DDX52: variants seen among roughly 807,000 people sequenced by gnomAD.
DDX52 encodes probable ATP-dependent RNA helicase DDX52.
A neutral mutation model predicts 76.1 loss-of-function variants in DDX52; 59 were observed. That is an observed-to-expected ratio of 0.78 (90% CI 0.63 to 0.96). DDX52 has a LOEUF of 0.96. Ranked by LOEUF, DDX52 falls within the 40% of genes least tolerant of loss-of-function variation. The probability of loss-of-function intolerance (pLI) is 0.00; values close to 1 mark genes in which losing one functional copy is unlikely to be tolerated. For synonymous variants in DDX52, 231 were observed against 244.1 expected, an observed-to-expected ratio of 0.95 and a Z score of 0.50; for missense variants, 707 against 703.9, an observed-to-expected ratio of 1.00 and a Z score of -0.05.
At position 37,610,360 on chromosome 17, in the gene DDX52, G is replaced by T. The variant is rs1268258177; in HGVS notation, c.*3936C>A. 1 of 131,648 alleles carries T rather than the reference G, an allele frequency of 7.6e-6. No individual in the cohort carries two copies. The highest frequency in any genetic ancestry group is 1.5e-5 in the Non-Finnish European group (1 of 65,288). The allele number at this position is 131,648 out of a possible 1,614,324, so 8.2% of individuals were successfully genotyped here. On this transcript the variant is annotated 3_prime_UTR_variant, in exon 15 of 15. Coordinates refer to ENST00000617633, the MANE Select transcript of DDX52 (RefSeq NM_007010.5). ...ATGTTGCCCAGGCTAGTTTCAAACT[G>T]CTAGGCTCAAGCTATGCTCCCACCT... is the stretch of plus-strand genomic sequence containing the variant.
In DDX52 at chr17:37,630,086, CG is replaced by C; in HGVS notation, c.690del (p.Ala231GlnfsTer8). The C allele has an allele frequency of 6.2e-7, 1 of 1,613,762 alleles. No homozygotes were observed. The highest frequency in any genetic ancestry group is 8.5e-7 in the Non-Finnish European group (1 of 1,179,902). On this transcript the variant is annotated frameshift_variant, in exon 5 of 15. Transcript: ENST00000617633. LOFTEE classifies it high-confidence loss of function. ...ATCAGGGCTCTGAAGCCTTTATTTG[CG>C]GGTTGTTTCAGCTGCATTAAAATAG... ...SIPILMQLKQ[P>X]ANKGFRALII...
intron 12 of DDX52, 94 bp downstream of exon 12, chr17:37,620,779 C>T (rs1053099410): frequency 8.9e-5 from 110 of 1,242,352 alleles, no homozygotes; most frequent in Admixed American, 2.0e-4. Context: ...GAATTTGGGA[C>T]ATAGCCATTT....
intron 2 of DDX52, among the ~76,000 whole-genome samples, chr17:37,640,862 C>T (rs1275080680): frequency 6.6e-6 from 1 of 151,838 alleles, no homozygotes; most frequent in Admixed American, 6.6e-5. Context: ...TGGGGCACAC[C>T]TGTCCCAGCT....
chr17:37,637,282 C>T (rs538983493), intron 2 of DDX52, among the ~76,000 whole-genome samples: 13 of 152,178 alleles, frequency 8.5e-5, no homozygotes, highest in Non-Finnish European at 1.3e-4. Flanking sequence ...CAGGCATGCG[C>T]CACCACGTCC....
chr17:37,642,262 C>A lies in DDX52; in HGVS notation c.134G>T (p.Gly45Val). Residue 45 changes from glycine to valine, a missense_variant, in exon 2 of 15, where the codon GGA becomes GTA. Gly to Val is a moderately radical substitution (Grantham distance 109). Transcript: ENST00000617633. The stretch of plus-strand genomic sequence containing the variant: ...CTTCTTGTTTCCAAAAAAGTCCAGT[C>A]CCTGAAGCACCTCCGAAGAATCAAA... Reference protein sequence around the residue: ...YDFDSSEVLQGLDFFGNKKSV... With the variant: ...YDFDSSEVLQVLDFFGNKKSV... The A allele has an allele frequency of 6.2e-7, 1 of 1,614,090 alleles. No homozygotes were observed. The highest frequency in any genetic ancestry group is 1.1e-5 in the South Asian group (1 of 91,074).
Position 37,611,570 on chromosome 17 carries a change from C to T in DDX52, c.*2726G>A, listed in dbSNP as rs554753554. 1.3e-5 allele frequency: 2 copies of T among 151,994 alleles called. No individual in the cohort carries two copies. Among genetic ancestry groups the T allele is most frequent in the Middle Eastern group, 6.7e-3 (2 of 298 alleles). 9.4% of individuals were successfully genotyped at this position (151,994 alleles called of 1,614,324 possible). ...TGGCCAACATGGTGAAACCCTGTCA[C>T]TAAAAATACAAAAATTAGCTGGGTG... On this transcript the variant is annotated 3_prime_UTR_variant, in exon 15 of 15. Coordinates refer to ENST00000617633, the MANE Select transcript of DDX52 (RefSeq NM_007010.5).
chr17:37,617,012 C>T (rs1568597502), intron 14 of DDX52, among the ~76,000 whole-genome samples: 1 of 152,132 alleles, frequency 6.6e-6, no homozygotes, highest in Non-Finnish European at 1.5e-5. Flanking sequence ...CTTCTGTAAC[C>T]ACACCAATTC....
At chr17:37,617,883 G>A (rs1182446604) in intron 14 of DDX52, among the ~76,000 whole-genome samples, 1 of 152,198 alleles carries the variant, frequency 6.6e-6, no homozygotes, top group Non-Finnish European at 1.5e-5. Context: ...CCAGCACTTT[G>A]GAAGGCTAAG....
intron 5 of DDX52, 72 bp from the exon 6 acceptor site, chr17:37,628,744 A>T: frequency 1.8e-6 from 2 of 1,083,126 alleles, no homozygotes; most frequent in Non-Finnish European, 2.7e-6. Flanking sequence ...TTACATGATT[A>T]ATGAAATAAA....
intron 2 of DDX52, among the ~76,000 whole-genome samples, chr17:37,636,741 T>C (rs1312426769): frequency 6.6e-6 from 1 of 152,180 alleles, no homozygotes; most frequent in Non-Finnish European, 1.5e-5. Flanking sequence ...AATGGATAAC[T>C]TGTTTTAAGA....
At chr17:37,630,257 A>C in intron 4 of DDX52, 84 bp from the exon 5 acceptor site, 1 of 1,346,844 alleles carries the variant, frequency 7.4e-7, no homozygotes, top group Non-Finnish European at 1.0e-6. Flanking sequence ...CCAGCCATAG[A>C]AAAAAACAAA....
At chr17:37,620,985 G>A (rs2030054683) in intron 11 of DDX52, 37 bp from the exon 12 acceptor site, 1 of 1,570,700 alleles carries the variant, frequency 6.4e-7, no homozygotes, top group Middle Eastern at 1.7e-4. Context: ...CACATTTTGG[G>A]GGGAAGGAGG....
intron 14 of DDX52, among the ~76,000 whole-genome samples, chr17:37,617,706 C>T (rs2029879060): frequency 6.6e-6 from 1 of 152,148 alleles, no homozygotes; most frequent in Admixed American, 6.5e-5. Context: ...AGTAGCATGT[C>T]CTAATGTGGG....
At chr17:37,628,195 A>C (rs1352863252) in intron 6 of DDX52, among the ~76,000 whole-genome samples, 1 of 152,162 alleles carries the variant, frequency 6.6e-6, no homozygotes, top group African/African-American at 2.4e-5. Flanking sequence ...TGGGCCACTA[A>C]GTGTTCGTTG....
rs1349692240 is a variant in DDX52, at chr17:37,620,886, G to T, written c.1564C>A (p.Pro522Thr). The T allele has an allele frequency of 6.3e-7, 1 of 1,589,784 alleles. No individual in the cohort carries two copies. Residue 522 changes from proline to threonine, a missense_variant, in exon 12 of 15, where the codon CCA becomes ACA. Pro to Thr is a conservative substitution (Grantham distance 38, BLOSUM62 -1). Transcript: ENST00000617633. ...TTTCTAATTTACCTTCTTAATAATGGCTTATCATCCTCAGTGAAAAATGTA... is the reference window on the plus strand; with the variant it reads ...TTTCTAATTTACCTTCTTAATAATGTCTTATCATCCTCAGTGAAAAATGTA... ...AITFFTEDDK[P>T]LLRSVANVIQ...
intron 6 of DDX52, 87 bp downstream of exon 6, chr17:37,628,469 ATACTT>A: frequency 9.3e-7 from 1 of 1,072,760 alleles, no homozygotes; most frequent in Non-Finnish European, 1.4e-6. Context: ...ATACATGACT[ATACTT>A]TAACAACACT....
intron 6 of DDX52, 25 bp from the exon 7 acceptor site, chr17:37,626,885 A>G: frequency 1.3e-6 from 2 of 1,594,584 alleles, no homozygotes; most frequent in African/African-American, 1.4e-5. Flanking sequence ...AATGGTAGAA[A>G]TTGCAAAAAC....
In DDX52 at chr17:37,624,326, A is replaced by G; in HGVS notation, c.1227+18T>C. The G allele has an allele frequency of 6.3e-7, 1 of 1,588,990 alleles. No homozygotes were observed. The highest frequency in any genetic ancestry group is 8.6e-7 in the Non-Finnish European group (1 of 1,165,650). ...TTGGCAAACTTTACCAAAATTCAAG[A>G]AGGTAATACAAATATACCTTTTTAA... On this transcript the variant is annotated intron_variant, in intron 9 of 14. Coordinates refer to ENST00000617633, the MANE Select transcript of DDX52 (RefSeq NM_007010.5).
intron 4 of DDX52, 43 bp downstream of exon 4, chr17:37,632,070 C>A: frequency 6.2e-7 from 1 of 1,610,936 alleles, no homozygotes. Context: ...AGCAAACACA[C>A]AGAGGAAGGA....
Sources: allele counts gnomAD v4.1 joint callset (sites outside exome capture counted in the v4.1 genomes callset), GRCh38; gene constraint gnomAD v4.1.1; transcripts MANE v1.5; gene names NCBI Gene and HGNC (gene_info 2026-07-23, HGNC 2026-07-21).